TBCK: variants seen among roughly 807,000 people sequenced by gnomAD.
TBCK encodes TBC domain-containing protein kinase-like protein.
TBCK carries 99 observed loss-of-function variants against 113.4 expected under a neutral mutation model. The ratio of observed to expected loss-of-function variants is 0.87; its 90% CI spans 0.74 to 1.03. The LOEUF (loss-of-function observed/expected upper bound fraction) is 1.03. TBCK is among the 50% of genes least tolerant of loss of function. The pLI, the probability that TBCK is intolerant of heterozygous loss-of-function variation, is 0.00. For missense variants in TBCK, 1,045 were observed against 1,061.3 expected (o/e 0.98, Z 0.21); for synonymous variants, 369 against 370.8 (o/e 1.00, Z 0.05).
chr4:106,214,934 T>C (rs1304924495), intron 19 of TBCK, among the ~76,000 whole-genome samples: 4 of 151,318 alleles, frequency 2.6e-5, no homozygotes, highest in Admixed American at 2.0e-4. Context: ...AAAGTTGAAA[T>C]GAAGGAAAAA....
At chr4:106,312,355 T>C (rs1157096142) in intron 1 of TBCK, among the ~76,000 whole-genome samples, 1 of 152,094 alleles carries the variant, frequency 6.6e-6, no homozygotes, top group African/African-American at 2.4e-5. Context: ...AATAAGCACA[T>C]GAAAAAGTTC....
chr4:106,258,020 T>A (rs1169592370), intron 5 of TBCK, among the ~76,000 whole-genome samples: 1 of 152,112 alleles, frequency 6.6e-6, no homozygotes, highest in Non-Finnish European at 1.5e-5. Context: ...TAAATTGTTA[T>A]ATCAAAAACT....
intron 23 of TBCK, among the ~76,000 whole-genome samples, chr4:106,146,393 T>C (rs1424460581): frequency 1.3e-5 from 2 of 151,936 alleles, no homozygotes; most frequent in African/African-American, 2.4e-5. Context: ...AGCTAAATGA[T>C]AAGAACATAT....
rs139322053 is a variant in TBCK at position 106,170,672 on chromosome 4, T to C, written c.2235+423A>G. Among the ~76,000 whole-genome samples the C allele has an allele frequency of 9.1e-3, 1,386 of 152,122 alleles. 10 individuals carry two copies. Among genetic ancestry groups the C allele is most frequent in the South Asian group, 0.028 (137 of 4,820 alleles). On this transcript the variant is annotated intron_variant, in intron 23 of 25. Coordinates refer to ENST00000394708, the MANE Select transcript of TBCK (RefSeq NM_001163435.3). ...TTGTTGACCATATTTATAAACTGTG[T>C]TTAGTAAGAATGATAATGTTGAAAC...
intron 24 of TBCK, among the ~76,000 whole-genome samples, chr4:106,115,099 T>C (rs1361492235): frequency 6.6e-6 from 1 of 152,186 alleles, no homozygotes; most frequent in Non-Finnish European, 1.5e-5. Flanking sequence ...AATTACTTAA[T>C]AAAGTCTGTA....
intron 25 of TBCK, among the ~76,000 whole-genome samples, chr4:106,094,391 A>G (rs1740677108): frequency 6.6e-6 from 1 of 152,182 alleles, no homozygotes; most frequent in Non-Finnish European, 1.5e-5. Flanking sequence ...AAAATCATGC[A>G]TACTTTTTAT....
At chr4:106,076,026 T>A (rs1434478783) in intron 25 of TBCK, among the ~76,000 whole-genome samples, 3 of 152,220 alleles carry the variant, frequency 2.0e-5, no homozygotes, top group Non-Finnish European at 2.9e-5. Flanking sequence ...GGTGTTTCAA[T>A]CCTGGCTCTG....
At chr4:106,062,866 AC>A (rs1468308891) in intron 25 of TBCK, among the ~76,000 whole-genome samples, 2 of 151,912 alleles carry the variant, frequency 1.3e-5, no homozygotes, top group Non-Finnish European at 2.9e-5. Context: ...CTTATATTTT[AC>A]CATATAATAT....
rs1737997435 is a variant in TBCK at position 106,074,989 on chromosome 4, A to G, written c.2571+20493T>C. 3.9e-5 allele frequency among the ~76,000 whole-genome samples: 6 copies of G among 152,230 alleles called. 1 individual carries two copies. In the South Asian group the frequency reaches 1.2e-3, roughly 31 times the overall value. On this transcript the variant is annotated intron_variant, in intron 25 of 25. Transcript: ENST00000394708. ...GGTTAACAACTGGAAGCCAGGAGAC[A>G]TGGAAGTTAGCTTCCTGGGGTGAAT...
chr4:106,083,764 T>C (rs911542278), intron 25 of TBCK, among the ~76,000 whole-genome samples: 1 of 152,080 alleles, frequency 6.6e-6, no homozygotes, highest in African/African-American at 2.4e-5. Context: ...TCCAGCCTCC[T>C]TGAGTGACAT....
chr4:106,141,196 TAGAA>T (rs140935574), intron 23 of TBCK, among the ~76,000 whole-genome samples: 5,412 of 140,402 alleles, frequency 0.039, 1,087 homozygotes, highest in East Asian at 0.31. Flanking sequence ...AATTAAATAA[TAGAA>T]AGATATAAGA....
intron 3 of TBCK, among the ~76,000 whole-genome samples, chr4:106,277,799 A>C (rs944574637): frequency 6.6e-5 from 10 of 152,214 alleles, no homozygotes; most frequent in Non-Finnish European, 1.5e-5. Context: ...ACATTTGTAA[A>C]AACACATCAA....
intron 10 of TBCK, 71 bp from the exon 11 acceptor site, chr4:106,244,835 T>C: frequency 2.2e-6 from 2 of 891,428 alleles, no homozygotes; most frequent in East Asian, 2.9e-5. Context: ...CAGGCAGTAA[T>C]AGCTGCCATT....
chr4:106,178,869 T>C (rs1751999879), intron 22 of TBCK, among the ~76,000 whole-genome samples: 1 of 151,952 alleles, frequency 6.6e-6, no homozygotes, highest in African/African-American at 2.4e-5. Flanking sequence ...CTGCTGGACT[T>C]TTCTTTGATG....
intron 23 of TBCK, among the ~76,000 whole-genome samples, chr4:106,153,674 C>G (rs1748784982): frequency 1.3e-5 from 2 of 152,060 alleles, no homozygotes; most frequent in South Asian, 4.1e-4. Context: ...GTTGAAGTCT[C>G]CAGGTTTTAT....
intron 24 of TBCK, among the ~76,000 whole-genome samples, chr4:106,106,113 T>A (rs982508110): frequency 4.0e-5 from 6 of 150,814 alleles, no homozygotes; most frequent in South Asian, 2.1e-4. Context: ...TAAAAAGGAA[T>A]GAACAAAGCC....
chr4:106,063,628 C>A (rs901619356), intron 25 of TBCK, among the ~76,000 whole-genome samples: 1 of 151,796 alleles, frequency 6.6e-6, no homozygotes, highest in Non-Finnish European at 1.5e-5. Context: ...AAGGGTGCCA[C>A]GGTCTGAATG....
chr4:106,148,012 T>C (rs1748025909), intron 23 of TBCK, among the ~76,000 whole-genome samples: 2 of 152,196 alleles, frequency 1.3e-5, no homozygotes, highest in Non-Finnish European at 2.9e-5. Context: ...GTCGAGGCTG[T>C]AGGGGTGAAA....
At position 106,289,381 on chromosome 4, in the gene TBCK, C is replaced by A. The variant is rs764469100; in HGVS notation, c.266+5713G>T. On this transcript the variant is annotated intron_variant, in intron 3 of 25. Coordinates refer to ENST00000394708, the MANE Select transcript of TBCK (RefSeq NM_001163435.3). ...CATTGAAATTTTAAATGTAGACTTG[C>A]CATAGGTTCTTCTGTCAAGAAATCT... is the stretch of plus-strand genomic sequence containing the variant. Among the ~76,000 whole-genome samples the A allele has an allele frequency of 2.0e-5, 3 of 152,104 alleles. No homozygotes were observed. The East Asian group carries it at 5.8e-4, about 29-fold the overall frequency.
Sources: allele counts gnomAD v4.1 joint callset (sites outside exome capture counted in the v4.1 genomes callset), GRCh38; gene constraint gnomAD v4.1.1; transcripts MANE v1.5; gene names NCBI Gene and HGNC (gene_info 2026-07-23, HGNC 2026-07-21).